Variants in GPATCH2L observed in about 807,000 individuals in gnomAD.
The protein encoded by GPATCH2L is G-patch domain containing 2 like.
In GPATCH2L, 31 loss-of-function variants were observed where a neutral mutation model predicts 57.4. The ratio of observed to expected loss-of-function variants is 0.54; its 90% CI spans 0.41 to 0.73. The LOEUF (loss-of-function observed/expected upper bound fraction) is 0.73. Among genes scored for constraint, GPATCH2L ranks in the 30% least tolerant of loss-of-function variants. GPATCH2L has a pLI of 0.00. For synonymous variants in GPATCH2L, 199 were observed against 210.7 expected (o/e 0.94, Z 0.48); for missense variants, 481 against 599.9 (o/e 0.80, Z 2.07).
intron 8 of GPATCH2L, among the ~76,000 whole-genome samples, chr14:76,189,815 C>G (rs1240229783): frequency 6.6e-6 from 1 of 152,076 alleles, no homozygotes; most frequent in Non-Finnish European, 1.5e-5. Flanking sequence ...TTTCCCCATT[C>G]AGTATGATAC....
Position 76,212,404 on chromosome 14 carries a change from AAAAAAAAACC to A in GPATCH2L, c.*10565_*10574del, listed in dbSNP as rs570276234. ...TGAACTTAGGGAAAAGGAACCGGAAAAAAAAAAACCAAAAAAAACCACGACATAATGCTAA... is the reference window on the plus strand; with the variant it reads ...TGAACTTAGGGAAAAGGAACCGGAAAAAAAAAAACCACGACATAATGCTAA... On this transcript the variant is annotated 3_prime_UTR_variant, in exon 10 of 10. Transcript: ENST00000261530. 21 of 152,164 alleles carry A rather than the reference AAAAAAAAACC, an allele frequency of 1.4e-4. No homozygotes were observed. In the East Asian group the frequency reaches 3.3e-3, roughly 24 times the overall value. 9.4% of individuals were successfully genotyped at this position (152,164 alleles called of 1,614,324 possible).
intron 5 of GPATCH2L, chr14:76,173,855 T>G: frequency 1.9e-6 from 1 of 528,220 alleles, no homozygotes. Context: ...AAAAACACTG[T>G]CATTACAGTG....
intron 5 of GPATCH2L, chr14:76,174,364 A>T (rs1460906914): frequency 6.6e-6 from 1 of 152,244 alleles, no homozygotes; most frequent in Admixed American, 6.5e-5. Flanking sequence ...GACAGGGCTC[A>T]TCCTCAGTCA....
intron 2 of GPATCH2L, among the ~76,000 whole-genome samples, chr14:76,166,203 T>G (rs1661649409): frequency 1.3e-5 from 2 of 152,358 alleles, no homozygotes; most frequent in South Asian, 4.1e-4. Context: ...TTGTCATATT[T>G]TTTTCTTGTT....
intron 3 of GPATCH2L, 79 bp from the exon 4 acceptor site, chr14:76,171,764 C>T (rs2039096359): frequency 1.2e-6 from 1 of 812,004 alleles, no homozygotes; most frequent in Non-Finnish European, 1.9e-6. Context: ...AACTATGGCA[C>T]TAAGAAATCA....
downstream of GPATCH2L, among the ~76,000 whole-genome samples, chr14:76,218,578 A>C (rs942314375): frequency 6.6e-6 from 1 of 152,132 alleles, no homozygotes; most frequent in Admixed American, 6.6e-5. Flanking sequence ...AGCATCATAA[A>C]GATATCACTT....
At chr14:76,224,387 C>T (rs1441762330) in intron 1 of GPATCH2L, among the ~76,000 whole-genome samples, 5 of 152,070 alleles carry the variant, frequency 3.3e-5, no homozygotes, top group South Asian at 2.1e-4. Flanking sequence ...TCAAGATATA[C>T]GAATTATGTT....
At chr14:76,162,035 C>CA (rs1249637671) in intron 2 of GPATCH2L, among the ~76,000 whole-genome samples, 3 of 151,332 alleles carry the variant, frequency 2.0e-5, no homozygotes, top group South Asian at 2.1e-4. Context: ...GACTCCGTCT[C>CA]AAAAAAAATA....
At chr14:76,232,266 A>G (rs2040575632) in intron 2 of GPATCH2L, among the ~76,000 whole-genome samples, 1 of 152,124 alleles carries the variant, frequency 6.6e-6, no homozygotes, top group Non-Finnish European at 1.5e-5. Flanking sequence ...TATCAAACAC[A>G]CAGTGTTCCT....
Position 76,205,820 on chromosome 14 carries a change from A to G in GPATCH2L, c.*3969A>G, listed in dbSNP as rs2040369324. ...AGGCGAAGGCTCCTGGTGGTGATGC[A>G]TGATTGATTTCAGGTCTTTGTTTCA... On this transcript the variant is annotated 3_prime_UTR_variant, in exon 10 of 10. Transcript: ENST00000261530. The G allele has an allele frequency of 2.0e-5, 3 of 152,368 alleles. No homozygotes were observed. Among genetic ancestry groups the G allele is most frequent in the Admixed American group, 2.0e-4 (3 of 15,288 alleles). 9.4% of individuals were successfully genotyped at this position (152,368 alleles called of 1,614,324 possible).
chr14:76,224,377 T>A (rs192706171), intron 1 of GPATCH2L, among the ~76,000 whole-genome samples: 91 of 152,296 alleles, frequency 6.0e-4, no homozygotes, highest in South Asian at 4.8e-3. Context: ...ATGATGACTT[T>A]CAAGATATAC....
chr14:76,207,900 A>G lies in GPATCH2L; in HGVS notation c.*6049A>G, dbSNP rs2139840810. On this transcript the variant is annotated 3_prime_UTR_variant, in exon 10 of 10. Transcript: ENST00000261530. ...CCTAACTGGTTGCCAGAGCCCAGAAATCCAAGTTCTGTCTTTTCAGGGAAT... is the reference window on the plus strand; with the variant it reads ...CCTAACTGGTTGCCAGAGCCCAGAAGTCCAAGTTCTGTCTTTTCAGGGAAT... The G allele has an allele frequency of 6.6e-6, 1 of 152,318 alleles. No homozygotes were observed. Among genetic ancestry groups the G allele is most frequent in the East Asian group, 1.9e-4 (1 of 5,184 alleles). The allele number at this position is 152,318 out of a possible 1,614,324, so 9.4% of individuals were successfully genotyped here. A position where few individuals can be genotyped will look rare whatever the true frequency, so the allele number is the denominator to read the frequency against.
In GPATCH2L at chr14:76,210,690, A is replaced by G. The variant is rs2040431225; in HGVS notation, c.*8839A>G. The G allele has an allele frequency of 6.6e-6, 1 of 152,212 alleles. No homozygotes were observed. Among genetic ancestry groups the G allele is most frequent in the Non-Finnish European group, 1.5e-5 (1 of 68,034 alleles). The allele number at this position is 152,212 out of a possible 1,614,324, so 9.4% of individuals were successfully genotyped here. ...AATAAGAAGGTATTATCCTTTCTGT[A>G]CCAAGGCACAACTGATTCCTAAGTG... On this transcript the variant is annotated 3_prime_UTR_variant, in exon 10 of 10. Coordinates refer to ENST00000261530, the MANE Select transcript of GPATCH2L (RefSeq NM_017926.4).
chr14:76,201,376 A>G (rs1273698340), intron 9 of GPATCH2L, among the ~76,000 whole-genome samples: 1 of 152,224 alleles, frequency 6.6e-6, no homozygotes, highest in Non-Finnish European at 1.5e-5. Flanking sequence ...TAACAAGATC[A>G]TGAGTATTCA....
At chr14:76,193,575 A>G (rs1055468547) in intron 8 of GPATCH2L, among the ~76,000 whole-genome samples, 4 of 152,188 alleles carry the variant, frequency 2.6e-5, no homozygotes, top group African/African-American at 7.2e-5. Flanking sequence ...ACAAAGAAAT[A>G]TACACTTGAT....
intron 8 of GPATCH2L, among the ~76,000 whole-genome samples, chr14:76,187,012 A>G (rs960331531): frequency 2.9e-5 from 4 of 139,758 alleles, no homozygotes; most frequent in African/African-American, 1.0e-4. Context: ...GTTTCCTATG[A>G]TAATTGTGAA....
chr14:76,170,444 A>G (rs189482987), intron 3 of GPATCH2L, among the ~76,000 whole-genome samples: 108 of 152,360 alleles, frequency 7.1e-4, no homozygotes, highest in Admixed American at 6.5e-3. Flanking sequence ...TATAGCCAGT[A>G]GAAAGAAGTT....
At chr14:76,189,262 G>A (rs557545431) in intron 8 of GPATCH2L, among the ~76,000 whole-genome samples, 37 of 152,212 alleles carry the variant, frequency 2.4e-4, no homozygotes, top group South Asian at 8.3e-4. Context: ...TATTTTGATA[G>A]GGATTGCATT....
intron 8 of GPATCH2L, among the ~76,000 whole-genome samples, chr14:76,183,373 G>T (rs539918537): frequency 7.2e-5 from 11 of 152,204 alleles, no homozygotes; most frequent in Non-Finnish European, 1.3e-4. Context: ...ACTTCTAGAC[G>T]TCATACCCAG....
Sources: allele counts gnomAD v4.1 joint callset (sites outside exome capture counted in the v4.1 genomes callset), GRCh38; gene constraint gnomAD v4.1.1; transcripts MANE v1.5; gene names NCBI Gene and HGNC (gene_info 2026-07-23, HGNC 2026-07-21).